LY9: variants seen among roughly 807,000 people sequenced by gnomAD.
LY9 encodes the protein T-lymphocyte surface antigen Ly-9.
In LY9, 59 loss-of-function variants were observed where a neutral mutation model predicts 64.6. The ratio of observed to expected loss-of-function variants is 0.91; its 90% CI spans 0.74 to 1.13. LY9 has a LOEUF of 1.13. Ranked by LOEUF, LY9 falls within the 50% of genes most tolerant of loss-of-function variation. LY9 has a pLI of 0.00. For missense variants in LY9, 789 were observed against 797.2 expected (o/e 0.99, Z 0.12); for synonymous variants, 281 against 308.5 (o/e 0.91, Z 0.93).
At position 160,814,688 on chromosome 1, in the gene LY9, C is replaced by A; in HGVS notation, c.999C>A (p.Gly333=). 1 of 1,614,218 alleles carries A rather than the reference C, an allele frequency of 6.2e-7. No individual in the cohort carries two copies. Among genetic ancestry groups the A allele is most frequent in the East Asian group, 2.2e-5 (1 of 44,888 alleles). ...KISQLKIEDA[G]PYHAYVCSEA... is the part of the protein sequence containing the mutation. ...GCCAGCTGAAGATAGAGGACGCCGG[C>A]CCCTACCATGCCTACGTGTGCTCAG... Residue 333 remains glycine, a synonymous_variant, in exon 4 of 10, where the codon GGC becomes GGA. Coordinates refer to ENST00000263285, the MANE Select transcript of LY9 (RefSeq NM_002348.4).
At chr1:160,803,462 A>AT (rs1040542331) in intron 2 of LY9, among the ~76,000 whole-genome samples, 3 of 151,846 alleles carry the variant, frequency 2.0e-5, no homozygotes, top group Non-Finnish European at 4.4e-5. Flanking sequence ...GTCATCTATG[A>AT]TTTTTTCATC....
At chr1:160,812,761 C>T (rs1439956366) in intron 2 of LY9, 2 of 152,094 alleles carry the variant, frequency 1.3e-5, no homozygotes, top group African/African-American at 4.8e-5. Context: ...GGTATTTTCT[C>T]AATTTTTTTT....
intron 2 of LY9, among the ~76,000 whole-genome samples, chr1:160,804,965 AT>A (rs1180365435): frequency 1.3e-5 from 2 of 151,404 alleles, no homozygotes. Flanking sequence ...ACTTTTTCTG[AT>A]TTTGTTTATT....
chr1:160,819,172 C>A, intron 6 of LY9, 149 bp from the exon 7 acceptor site: 1 of 666,228 alleles, frequency 1.5e-6, no homozygotes, highest in Non-Finnish European at 2.8e-6. Flanking sequence ...ATAGGCCTGG[C>A]TTCTCATCAG....
chr1:160,808,267 C>T (rs1027367870), intron 2 of LY9, among the ~76,000 whole-genome samples: 4 of 152,174 alleles, frequency 2.6e-5, no homozygotes, highest in Non-Finnish European at 5.9e-5. Context: ...TTAGCTCTAC[C>T]TGCAGAGTGC....
intron 2 of LY9, chr1:160,812,404 T>C (rs1667547728): frequency 6.6e-6 from 1 of 150,842 alleles, no homozygotes; most frequent in African/African-American, 2.4e-5. Flanking sequence ...AGACACAGTT[T>C]AGCTCATAAC....
chr1:160,797,785 G>A (rs905680853), intron 1 of LY9, among the ~76,000 whole-genome samples: 2 of 152,058 alleles, frequency 1.3e-5, no homozygotes, highest in Non-Finnish European at 2.9e-5. Flanking sequence ...TTAGTGATGA[G>A]GGCCTCTATT....
intron 2 of LY9, chr1:160,810,474 A>G (rs1194124066): frequency 6.6e-6 from 1 of 152,192 alleles, no homozygotes; most frequent in African/African-American, 2.4e-5. Flanking sequence ...ATCTCTTCTT[A>G]TAAGCACATC....
rs768434706 is a variant in LY9, at chr1:160,799,834, T to A, written c.206T>A (p.Ile69Asn). 9 of 1,614,078 alleles carry A rather than the reference T, an allele frequency of 5.6e-6. 1 individual carries two copies. In the South Asian group the frequency reaches 9.9e-5, roughly 18 times the overall value. Residue 69 changes from isoleucine to asparagine, a missense_variant, in exon 2 of 10, where the codon ATC (isoleucine) becomes AAC (asparagine). Ile to Asn is a moderately radical substitution (Grantham distance 149). Transcript: ENST00000263285. ...LGGSVTLPLN[I>N]SVDTEIENVI... ...GGTTCCGTGACTCTCCCCCTAAACA[T>A]CTCAGTAGACACAGAGATTGAGAAC...
At position 160,800,168 on chromosome 1, in the gene LY9, T is replaced by C. The variant is rs891007927; in HGVS notation, c.454+86T>C. 6.1e-6 allele frequency: 6 copies of C among 989,256 alleles called. No homozygotes were observed. In the Admixed American group the frequency reaches 1.1e-4, roughly 19 times the overall value. 61.3% of individuals were successfully genotyped at this position (989,256 alleles called of 1,614,324 possible). The stretch of plus-strand genomic sequence containing the variant: ...GGGGTATGTGTGAAATTTTGTTATA[T>C]GTATATAGTGCATACTGATCAAGTC... On this transcript the variant is annotated intron_variant, in intron 2 of 9. Transcript: ENST00000263285.
Position 160,803,002 on chromosome 1 carries a change from CCAGGCA to C in LY9, c.454+2924_454+2929del, listed in dbSNP as rs146971308. Among the ~76,000 whole-genome samples the C allele has an allele frequency of 6.7e-3, 1,023 of 151,932 alleles. 10 individuals carry two copies. The highest frequency in any genetic ancestry group is 0.023 in the African/African-American group (949 of 41,414). ...TATATTTTAGGATTTTTTTTTCTGGCCAGGCACAGTGATTCATGCCCGTAATCCCAA... is the reference window on the plus strand; with the variant it reads ...TATATTTTAGGATTTTTTTTTCTGGCCAGTGATTCATGCCCGTAATCCCAA... On this transcript the variant is annotated intron_variant, in intron 2 of 9. Coordinates refer to ENST00000263285, the MANE Select transcript of LY9 (RefSeq NM_002348.4).
intron 6 of LY9, among the ~76,000 whole-genome samples, chr1:160,819,099 G>A (rs554950283): frequency 6.6e-6 from 1 of 152,254 alleles, no homozygotes; most frequent in South Asian, 2.1e-4. Flanking sequence ...TGGAGGGATG[G>A]CAGGAAGCTC....
chr1:160,799,550 G>A, intron 1 of LY9: 2 of 531,022 alleles, frequency 3.8e-6, no homozygotes, highest in Non-Finnish European at 6.7e-6. Flanking sequence ...GATTGTTGTG[G>A]CTGCTTTTAA....
At position 160,823,730 on chromosome 1, in the gene LY9, A is replaced by G. The variant is rs1388083334; in HGVS notation, c.1764A>G (p.Pro588=). 8.1e-6 allele frequency: 13 copies of G among 1,614,040 alleles called. 1 individual carries two copies. Among genetic ancestry groups the G allele is most frequent in the Non-Finnish European group, 9.3e-6 (11 of 1,180,016 alleles). The change falls in exon 8 of 10, where the codon CCA becomes CCG. Residue 588 remains proline, a synonymous_variant. Coordinates refer to ENST00000263285, the MANE Select transcript of LY9 (RefSeq NM_002348.4). ...AAGCAGACTATGATCCCGTCACTCC[A>G]TATGTCACGGAAGTTGAGTCTGTGG... ...EGQADYDPVT[P]YVTEVESVVG...
chr1:160,804,771 G>A (rs573816777), intron 2 of LY9, among the ~76,000 whole-genome samples: 24 of 152,166 alleles, frequency 1.6e-4, no homozygotes, highest in Admixed American at 3.9e-4. Context: ...ACTACTTGTC[G>A]TTGGTGTCTG....
intron 2 of LY9, among the ~76,000 whole-genome samples, chr1:160,805,741 TCACACACACA>T (rs60721619): frequency 0.035 from 4,864 of 140,688 alleles, 254 homozygotes; most frequent in African/African-American, 0.12. Context: ...TCTCTCTGTC[TCACACACACA>T]CACACACACA....
chr1:160,797,156 A>G (rs1000376027), intron 1 of LY9: 14 of 985,442 alleles, frequency 1.4e-5, no homozygotes, highest in Non-Finnish European at 1.7e-5. Context: ...CCGGAACCCC[A>G]CTGTCCAGCA....
chr1:160,817,583 A>C lies in LY9; in HGVS notation c.1343-635A>C, dbSNP rs146585145. ...AGAAAAGAAGCCCCAGTGGCCCTTA[A>C]TAAATGCTAAGTACTATTCTAGGCC... is the stretch of plus-strand genomic sequence containing the variant. On this transcript the variant is annotated intron_variant, in intron 5 of 9. Coordinates refer to ENST00000263285, the MANE Select transcript of LY9 (RefSeq NM_002348.4). Among the ~76,000 whole-genome samples, 855 of 152,348 alleles carry C rather than the reference A, an allele frequency of 5.6e-3. 9 individuals carry two copies. Among genetic ancestry groups the C allele is most frequent in the South Asian group, 0.038 (181 of 4,824 alleles).
chr1:160,805,603 T>C (rs928957918), intron 2 of LY9, among the ~76,000 whole-genome samples: 6 of 152,174 alleles, frequency 3.9e-5, no homozygotes, highest in African/African-American at 1.2e-4. Context: ...TAAATATCTG[T>C]TAGGTCCATT....
Sources: gnomAD v4.1 joint callset for allele counts (sites outside exome capture counted in the v4.1 genomes callset) on GRCh38, gnomAD v4.1.1 for gene constraint, MANE v1.5 for transcripts, NCBI Gene and HGNC (gene_info 2026-07-23, HGNC 2026-07-21) for gene names.